The following RFTN1 variants were observed in gnomAD, a reference collection of about 807,000 sequenced individuals.
RFTN1 encodes the protein raftlin.
A neutral mutation model predicts 46.5 loss-of-function variants in RFTN1; 26 were observed. The ratio of observed to expected loss-of-function variants is 0.56; its 90% CI spans 0.41 to 0.78. The LOEUF (loss-of-function observed/expected upper bound fraction) is 0.78, where lower values mean the gene tolerates loss of function less well. Among genes scored for constraint, RFTN1 ranks in the 30% least tolerant of loss-of-function variants. The probability of loss-of-function intolerance (pLI) is 0.00; values close to 1 mark genes in which losing one functional copy is unlikely to be tolerated. For missense variants in RFTN1, 693 were observed against 718.7 expected, an observed-to-expected ratio of 0.96 and a Z score of 0.41; for synonymous variants, 261 against 284.2, an observed-to-expected ratio of 0.92 and a Z score of 0.82.
intron 3 of RFTN1, among the ~76,000 whole-genome samples, chr3:16,430,403 C>T (rs1046061275): frequency 5.7e-4 from 87 of 152,204 alleles, no homozygotes; most frequent in African/African-American, 2.1e-3. Flanking sequence ...TGAGCCACTG[C>T]ACCTGGCCTT....
intron 8 of RFTN1, among the ~76,000 whole-genome samples, chr3:16,323,836 G>A (rs2069362152): frequency 6.6e-6 from 1 of 152,206 alleles, no homozygotes; most frequent in South Asian, 2.1e-4. Context: ...AAGGACCTGG[G>A]TGATGAGCTC....
chr3:16,323,264 C>G (rs2069287509), intron 9 of RFTN1, 112 bp downstream of exon 9: 2 of 746,558 alleles, frequency 2.7e-6, no homozygotes, highest in African/African-American at 1.8e-5. Context: ...GTTCCTTGGG[C>G]TCTGCGAGCC....
rs1433695827 is a variant in RFTN1 at position 16,500,552 on chromosome 3, G to C, written c.-8-6675C>G. On this transcript the variant is annotated intron_variant, in intron 1 of 9. Transcript: ENST00000334133. The surrounding 1 kb of genome is among the most constrained non-coding windows in gnomAD (Gnocchi z 5.9). ...AATTAGGAACTGGATGCTTTCTAAA[G>C]AGGAAAATAAAGTAATCAGAAGAAG... 2.0e-5 allele frequency among the ~76,000 whole-genome samples: 3 copies of C among 152,160 alleles called. No homozygotes were observed. In the East Asian group the frequency reaches 5.8e-4, roughly 29 times the overall value.
intron 1 of RFTN1, among the ~76,000 whole-genome samples, chr3:16,502,692 G>A (rs2076732415): frequency 6.6e-6 from 1 of 152,224 alleles, no homozygotes; most frequent in South Asian, 2.1e-4. Context: ...GGGCAACGAG[G>A]CCTCCTGCCA....
intron 3 of RFTN1, among the ~76,000 whole-genome samples, chr3:16,431,922 G>A (rs1263284054): frequency 6.6e-6 from 1 of 152,192 alleles, no homozygotes; most frequent in African/African-American, 2.4e-5. Context: ...TGCAGGTACG[G>A]GAGACAGCCT....
chr3:16,391,823 T>C (rs2074346662), intron 4 of RFTN1, among the ~76,000 whole-genome samples: 3 of 146,858 alleles, frequency 2.0e-5, no homozygotes, highest in African/African-American at 7.3e-5. Context: ...ATCAGAGCTA[T>C]AGGCAATCCT....
intron 7 of RFTN1, chr3:16,350,423 C>T (rs1486941512): frequency 1.3e-5 from 2 of 151,622 alleles, no homozygotes; most frequent in African/African-American, 4.9e-5. Context: ...AAATTGTTAA[C>T]AGATGTTAGC....
At chr3:16,477,197 T>C (rs201333140) in intron 2 of RFTN1, among the ~76,000 whole-genome samples, 1 of 152,144 alleles carries the variant, frequency 6.6e-6, no homozygotes, top group African/African-American at 2.4e-5. Context: ...AATTATTTGG[T>C]TTTTTTCCTG....
At position 16,473,211 on chromosome 3, in the gene RFTN1, A is replaced by AG. The variant is rs1204456810; in HGVS notation, c.145+20513dup. On this transcript the variant is annotated intron_variant, in intron 2 of 9. Transcript: ENST00000334133. The surrounding 1 kb of genome is among the most constrained non-coding windows in gnomAD (Gnocchi z 5.3). ...CAATTAGGTCAACACTGTTGACCAC[A>AG]GTATACCACCTCCACCCCAATACTG... Among the ~76,000 whole-genome samples, 1 of 152,158 alleles carries AG rather than the reference A, an allele frequency of 6.6e-6. No homozygotes were observed. Among genetic ancestry groups the AG allele is most frequent in the African/African-American group, 2.4e-5 (1 of 41,434 alleles).
chr3:16,469,382 A>C (rs1319020312), intron 2 of RFTN1, among the ~76,000 whole-genome samples: 3 of 152,226 alleles, frequency 2.0e-5, no homozygotes, highest in African/African-American at 7.2e-5. Flanking sequence ...ATTATTATTA[A>C]GCACTTTACA....
intron 2 of RFTN1, among the ~76,000 whole-genome samples, chr3:16,436,539 G>A (rs981803373): frequency 2.0e-5 from 3 of 152,038 alleles, no homozygotes; most frequent in Admixed American, 6.5e-5. Context: ...TGTCATAGCA[G>A]AAAGACCTGG....
In RFTN1 at chr3:16,442,717, C is replaced by T. The variant is rs946506466; in HGVS notation, c.146-8680G>A. ...ATAACTGCAACTTTGTACCTTTGAC[C>T]TACAACTCCCCATCTCCCTGCATCT... On this transcript the variant is annotated intron_variant, in intron 2 of 9. Coordinates refer to ENST00000334133, the MANE Select transcript of RFTN1 (RefSeq NM_015150.2). This position sits in a 1 kb window ranked among gnomAD's most constrained non-coding sequence, Gnocchi z 4.1. Among the ~76,000 whole-genome samples the T allele has an allele frequency of 1.1e-4, 17 of 152,290 alleles. 2 individuals are homozygous for T. In the South Asian group the frequency reaches 1.2e-3, roughly 11 times the overall value.
At chr3:16,423,463 GAA>G (rs2075231753) in intron 3 of RFTN1, among the ~76,000 whole-genome samples, 2 of 152,156 alleles carry the variant, frequency 1.3e-5, no homozygotes, top group South Asian at 4.1e-4. Flanking sequence ...AATTAAAGAG[GAA>G]TGCTATTAGA....
At position 16,402,655 on chromosome 3, in the gene RFTN1, GCAAAATTTCAT is replaced by G. The variant is rs1222320903; in HGVS notation, c.441+6709_441+6719del. On this transcript the variant is annotated intron_variant, in intron 4 of 9. Transcript: ENST00000334133. The surrounding 1 kb of genome is among the most constrained non-coding windows in gnomAD (Gnocchi z 4.5). ...AAATGATGAGTCATTTACATAACAGGCAAAATTTCATCATCCCGGAGATTTGGGATATTCTG... is the reference window on the plus strand; with the variant it reads ...AAATGATGAGTCATTTACATAACAGGCATCCCGGAGATTTGGGATATTCTG... Among the ~76,000 whole-genome samples the G allele has an allele frequency of 8.5e-5, 13 of 152,062 alleles. No homozygotes were observed. The highest frequency in any genetic ancestry group is 3.1e-4 in the African/African-American group (13 of 41,394).
At chr3:16,372,700 A>T (rs571463048) in intron 5 of RFTN1, among the ~76,000 whole-genome samples, 95 of 152,316 alleles carry the variant, frequency 6.2e-4, no homozygotes, top group African/African-American at 2.2e-3. Context: ...GGAAAAGGGG[A>T]AGGCCAAAGG....
rs2075758717 is a variant in RFTN1 at position 16,447,793 on chromosome 3, A to G, written c.146-13756T>C. Among the ~76,000 whole-genome samples the G allele has an allele frequency of 6.6e-6, 1 of 152,228 alleles. No homozygotes were observed. The highest frequency in any genetic ancestry group is 2.4e-5 in the African/African-American group (1 of 41,466). On this transcript the variant is annotated intron_variant, in intron 2 of 9. Transcript: ENST00000334133. This position sits in a 1 kb window ranked among gnomAD's most constrained non-coding sequence, Gnocchi z 5.9. ...CCACCGTTGGCACAAGAAGGGAAAGATGGATTTTTAATCAGGCAAAGGAAT... is the reference window on the plus strand; with the variant it reads ...CCACCGTTGGCACAAGAAGGGAAAGGTGGATTTTTAATCAGGCAAAGGAAT...
At chr3:16,339,325 T>C (rs1174080429) in intron 7 of RFTN1, 3 of 152,234 alleles carry the variant, frequency 2.0e-5, no homozygotes, top group African/African-American at 7.2e-5. Context: ...TTAAACCAAA[T>C]TGCATTGCAC....
In RFTN1 at chr3:16,423,884, C is replaced by T. The variant is rs551248561; in HGVS notation, c.332+9967G>A. Among the ~76,000 whole-genome samples the T allele has an allele frequency of 9.2e-4, 140 of 152,250 alleles. 1 individual carries two copies. Among genetic ancestry groups the T allele is most frequent in the African/African-American group, 3.1e-3 (130 of 41,542 alleles). Reference sequence around the variant, plus strand: ...GCTACCTTAGCGGACCCAAAAGACACGTAATAAATACATTTTTATTTTGTT... The same window carrying T: ...GCTACCTTAGCGGACCCAAAAGACATGTAATAAATACATTTTTATTTTGTT... On this transcript the variant is annotated intron_variant, in intron 3 of 9. Transcript: ENST00000334133.
intron 7 of RFTN1, 69 bp downstream of exon 7, chr3:16,357,863 A>T: frequency 1.0e-6 from 1 of 961,544 alleles, no homozygotes; most frequent in Non-Finnish European, 1.7e-6. Flanking sequence ...CCCCACGGTC[A>T]GATCAAGCAG....
Sources: gnomAD v4.1 joint callset for allele counts (sites outside exome capture counted in the v4.1 genomes callset) on GRCh38, gnomAD v4.1.1 for gene constraint, Gnocchi (gnomAD v3.1) non-coding constraint, MANE v1.5 for transcripts, NCBI Gene and HGNC (gene_info 2026-07-23, HGNC 2026-07-21) for gene names.